Variants in SUPT3H observed in about 807,000 individuals in gnomAD.
The protein encoded by SUPT3H is transcription initiation protein SPT3 homolog.
In SUPT3H, 44 loss-of-function variants were observed where a neutral mutation model predicts 44.3. The ratio of observed to expected loss-of-function variants is 0.99; its 90% confidence interval spans 0.78 to 1.28. The LOEUF is 1.28. Among genes scored for constraint, SUPT3H ranks in the 50% most tolerant of loss-of-function variants. The pLI is 0.00. For synonymous variants in SUPT3H, 124 were observed against 125.6 expected (o/e 0.99, Z 0.09); for missense variants, 380 against 387.1 (o/e 0.98, Z 0.15).
At chr6:45,109,948 T>C (rs763899158) in intron 2 of SUPT3H, among the ~76,000 whole-genome samples, 6 of 152,192 alleles carry the variant, frequency 3.9e-5, no homozygotes, top group Non-Finnish European at 8.8e-5. Flanking sequence ...CATACTGTCT[T>C]GATGCCTGTG....
chr6:45,222,055 T>C (rs975112132), intron 2 of SUPT3H, among the ~76,000 whole-genome samples: 1 of 152,066 alleles, frequency 6.6e-6, no homozygotes, highest in African/African-American at 2.4e-5. Flanking sequence ...CAAATAGTGA[T>C]GGAGCATTTG....
At chr6:44,810,332 A>G (rs1441856313) in intron 11 of SUPT3H, among the ~76,000 whole-genome samples, 9 of 152,182 alleles carry the variant, frequency 5.9e-5, no homozygotes, top group Non-Finnish European at 1.3e-4. Context: ...ACTAGCAAGG[A>G]CCATTGGACC....
intron 10 of SUPT3H, among the ~76,000 whole-genome samples, chr6:44,904,941 T>C (rs894299040): frequency 6.6e-6 from 1 of 152,234 alleles, no homozygotes; most frequent in African/African-American, 2.4e-5. Flanking sequence ...GTTAAATTAA[T>C]GGTGCTGGGA....
chr6:44,973,566 A>C (rs1777896807), intron 6 of SUPT3H, among the ~76,000 whole-genome samples: 1 of 151,962 alleles, frequency 6.6e-6, no homozygotes, highest in South Asian at 2.1e-4. Flanking sequence ...AACTGTTCCG[A>C]CCTTGGCCTG....
intron 2 of SUPT3H, among the ~76,000 whole-genome samples, chr6:45,333,841 CA>C (rs1260945406): frequency 6.6e-6 from 1 of 151,132 alleles, no homozygotes; most frequent in African/African-American, 2.4e-5. Context: ...ACCCAAGGAA[CA>C]AAAATCATAC....
intron 2 of SUPT3H, among the ~76,000 whole-genome samples, chr6:45,326,469 A>AGGAGAG (rs1786361208): frequency 6.6e-6 from 1 of 151,956 alleles, no homozygotes. Context: ...CTTCACATGA[A>AGGAGAG]TAACTGCATG....
At chr6:45,129,596 A>C (rs1389584870) in intron 2 of SUPT3H, among the ~76,000 whole-genome samples, 2 of 152,214 alleles carry the variant, frequency 1.3e-5, no homozygotes, top group Non-Finnish European at 2.9e-5. Context: ...TACTACCTTC[A>C]CAACTTGTGC....
At chr6:45,277,071 T>A (rs917093583) in intron 2 of SUPT3H, among the ~76,000 whole-genome samples, 3 of 152,200 alleles carry the variant, frequency 2.0e-5, no homozygotes, top group African/African-American at 7.2e-5. Flanking sequence ...TAATCTAATG[T>A]AACATTACTT....
intron 2 of SUPT3H, among the ~76,000 whole-genome samples, chr6:45,118,064 T>C (rs997931959): frequency 6.6e-5 from 10 of 152,116 alleles, no homozygotes; most frequent in African/African-American, 2.4e-4. Context: ...ATAGCATACA[T>C]TAAATGATCT....
intron 10 of SUPT3H, among the ~76,000 whole-genome samples, chr6:44,832,067 G>C (rs1768888295): frequency 6.6e-6 from 1 of 151,792 alleles, no homozygotes; most frequent in African/African-American, 2.4e-5. Flanking sequence ...ATATTCCCTA[G>C]GGTACTCTAT....
At chr6:45,011,233 G>T (rs1040542414) in intron 5 of SUPT3H, among the ~76,000 whole-genome samples, 19 of 151,988 alleles carry the variant, frequency 1.3e-4, no homozygotes, top group African/African-American at 4.6e-4. Context: ...TACCTTTATA[G>T]AATTAGTTGG....
At chr6:44,907,075 T>C (rs1766222142) in intron 10 of SUPT3H, among the ~76,000 whole-genome samples, 1 of 152,260 alleles carries the variant, frequency 6.6e-6, no homozygotes, top group East Asian at 1.9e-4. Flanking sequence ...ACACTAGTTA[T>C]GTTTCTCAAA....
chr6:45,281,935 T>C (rs1024072022), intron 2 of SUPT3H, among the ~76,000 whole-genome samples: 1 of 152,140 alleles, frequency 6.6e-6, no homozygotes, highest in Non-Finnish European at 1.5e-5. Flanking sequence ...CTCACCAATA[T>C]CTGCTGTTCT....
At chr6:44,905,272 C>A (rs1236625850) in intron 10 of SUPT3H, among the ~76,000 whole-genome samples, 1 of 152,212 alleles carries the variant, frequency 6.6e-6, no homozygotes, top group East Asian at 1.9e-4. Context: ...ATCTACTCAT[C>A]TGACAAAAGG....
intron 2 of SUPT3H, among the ~76,000 whole-genome samples, chr6:45,284,550 G>C (rs1313138891): frequency 6.6e-6 from 1 of 152,150 alleles, no homozygotes; most frequent in Non-Finnish European, 1.5e-5. Context: ...CGAGGAAGAA[G>C]TTGAATCTCT....
chr6:45,073,704 A>G (rs1794668701), intron 3 of SUPT3H, among the ~76,000 whole-genome samples: 1 of 152,010 alleles, frequency 6.6e-6, no homozygotes, highest in Non-Finnish European at 1.5e-5. Context: ...AACCACAGCT[A>G]AATAGTTTCA....
At chr6:45,237,658 T>C (rs1317947631) in intron 2 of SUPT3H, among the ~76,000 whole-genome samples, 4 of 152,192 alleles carry the variant, frequency 2.6e-5, no homozygotes, top group Non-Finnish European at 5.9e-5. Flanking sequence ...CCTATACCTT[T>C]AAAATGGTTA....
intron 3 of SUPT3H, among the ~76,000 whole-genome samples, chr6:45,102,960 AG>A (rs1334512861): frequency 6.6e-6 from 1 of 152,026 alleles, no homozygotes; most frequent in African/African-American, 2.4e-5. Flanking sequence ...AAAAAAAAAA[AG>A]ATGTTCAAAG....
intron 3 of SUPT3H, among the ~76,000 whole-genome samples, chr6:45,082,371 T>C (rs1795927225): frequency 6.6e-6 from 1 of 152,144 alleles, no homozygotes; most frequent in Non-Finnish European, 1.5e-5. Context: ...CCAATATCTC[T>C]GACAATTGTA....
Sources: gnomAD v4.1 joint callset for allele counts (sites outside exome capture counted in the v4.1 genomes callset) on GRCh38, gnomAD v4.1.1 for gene constraint, MANE v1.5 for transcripts, NCBI Gene and HGNC (gene_info 2026-07-23, HGNC 2026-07-21) for gene names.